The following GRIA4 variants were observed in gnomAD, a reference collection of about 807,000 sequenced individuals.
GRIA4 encodes glutamate receptor 4.
GRIA4 carries 34 observed loss-of-function variants against 104.0 expected under a neutral mutation model. The observed-to-expected ratio is 0.33, with a 90% CI of 0.25 to 0.44. The LOEUF (loss-of-function observed/expected upper bound fraction) is 0.44. Among genes scored for constraint, GRIA4 ranks in the 20% least tolerant of loss-of-function variants. GRIA4 has a pLI of 1.00. For synonymous variants in GRIA4, 386 were observed against 381.9 expected, an observed-to-expected ratio of 1.01 and a Z score of -0.13; for missense variants, 750 against 1,096.5, an observed-to-expected ratio of 0.68 and a Z score of 4.46.
chr11:105,896,705 A>G (rs1009636884), intron 6 of GRIA4, among the ~76,000 whole-genome samples: 17 of 152,120 alleles, frequency 1.1e-4, no homozygotes, highest in African/African-American at 4.1e-4. Context: ...ACATTGTCAA[A>G]GATCAGTTGG....
chr11:105,699,643 C>G (rs953524787), intron 3 of GRIA4, among the ~76,000 whole-genome samples: 3 of 152,026 alleles, frequency 2.0e-5, no homozygotes, highest in Non-Finnish European at 4.4e-5. Context: ...GTTTCTATTG[C>G]TACACCTTGC....
chr11:105,872,840 TA>T (rs1945667052), intron 5 of GRIA4, among the ~76,000 whole-genome samples: 1 of 152,158 alleles, frequency 6.6e-6, no homozygotes. Flanking sequence ...GTGAATAGTT[TA>T]ATTTTTTGTA....
chr11:105,716,111 GTTTAA>G (rs1415854996), intron 3 of GRIA4, among the ~76,000 whole-genome samples: 6 of 32,830 alleles, frequency 1.8e-4, no homozygotes, highest in East Asian at 5.8e-4. Context: ...TTCCCTAAAA[GTTTAA>G]AAGTTTCTTA....
chr11:105,873,253 C>T (rs1296040639), intron 5 of GRIA4, among the ~76,000 whole-genome samples: 1 of 152,182 alleles, frequency 6.6e-6, no homozygotes, highest in African/African-American at 2.4e-5. Flanking sequence ...AGGACATGAA[C>T]TCATCCTTTT....
intron 3 of GRIA4, among the ~76,000 whole-genome samples, chr11:105,722,630 C>T (rs1937902656): frequency 6.6e-6 from 1 of 152,076 alleles, no homozygotes; most frequent in Non-Finnish European, 1.5e-5. Flanking sequence ...TTTACTGATA[C>T]TACTATTTCT....
chr11:105,653,659 C>A (rs1448766967), intron 3 of GRIA4, among the ~76,000 whole-genome samples: 1 of 152,030 alleles, frequency 6.6e-6, no homozygotes, highest in Non-Finnish European at 1.5e-5. Flanking sequence ...TGAACGTGAG[C>A]GAGTGTTTTT....
At chr11:105,898,045 A>G (rs1946718236) in intron 6 of GRIA4, among the ~76,000 whole-genome samples, 1 of 152,182 alleles carries the variant, frequency 6.6e-6, no homozygotes, top group Non-Finnish European at 1.5e-5. Context: ...GAACTGAAAT[A>G]AAAACATATC....
intron 3 of GRIA4, among the ~76,000 whole-genome samples, chr11:105,658,012 T>G (rs564766990): frequency 6.6e-6 from 1 of 151,918 alleles, no homozygotes; most frequent in Admixed American, 6.6e-5. Flanking sequence ...AGTATTTTTA[T>G]CAGGAAAAAT....
intron 3 of GRIA4, among the ~76,000 whole-genome samples, chr11:105,643,994 C>T (rs937112725): frequency 2.0e-5 from 3 of 152,198 alleles, no homozygotes; most frequent in Non-Finnish European, 4.4e-5. Context: ...GCTGGGATTA[C>T]AGGCATGAGC....
At chr11:105,717,023 G>T (rs916436044) in intron 3 of GRIA4, among the ~76,000 whole-genome samples, 1 of 152,018 alleles carries the variant, frequency 6.6e-6, no homozygotes, top group Non-Finnish European at 1.5e-5. Flanking sequence ...TTACATGGAG[G>T]TTTATCTTAG....
intron 6 of GRIA4, among the ~76,000 whole-genome samples, chr11:105,891,176 G>T (rs1946440967): frequency 6.6e-6 from 1 of 152,084 alleles, no homozygotes; most frequent in African/African-American, 2.4e-5. Flanking sequence ...CAAGTATGAT[G>T]ATATCGTTTG....
intron 6 of GRIA4, among the ~76,000 whole-genome samples, chr11:105,896,250 C>T (rs1403740884): frequency 6.6e-6 from 1 of 151,886 alleles, no homozygotes; most frequent in East Asian, 1.9e-4. Flanking sequence ...CTGTTCATGT[C>T]CTTTGCTCTT....
intron 3 of GRIA4, among the ~76,000 whole-genome samples, chr11:105,702,504 A>G (rs903210933): frequency 5.3e-5 from 8 of 151,856 alleles, no homozygotes; most frequent in African/African-American, 1.9e-4. Context: ...TCTACAACCA[A>G]TGGTACCTAG....
intron 4 of GRIA4, chr11:105,824,806 C>T (rs1337917720): frequency 6.6e-6 from 1 of 152,102 alleles, no homozygotes; most frequent in African/African-American, 2.4e-5. Flanking sequence ...CTGTGGGGTA[C>T]ATAATCTACA....
chr11:105,653,889 T>A (rs1421915525), intron 3 of GRIA4, among the ~76,000 whole-genome samples: 1 of 151,414 alleles, frequency 6.6e-6, no homozygotes, highest in East Asian at 1.9e-4. Flanking sequence ...AGGCTTTGTT[T>A]TTGCTCTAGA....
chr11:105,860,877 T>G (rs2083706538), intron 4 of GRIA4, among the ~76,000 whole-genome samples: 1 of 149,726 alleles, frequency 6.7e-6, no homozygotes, highest in Non-Finnish European at 1.5e-5. Flanking sequence ...AAGAATTGCT[T>G]GAACCCAGGA....
At chr11:105,646,703 A>G (rs1328515356) in intron 3 of GRIA4, among the ~76,000 whole-genome samples, 2 of 152,244 alleles carry the variant, frequency 1.3e-5, no homozygotes, top group African/African-American at 4.8e-5. Context: ...AGAATTCTCC[A>G]TTCAATAAAT....
intron 4 of GRIA4, among the ~76,000 whole-genome samples, chr11:105,761,221 C>T (rs564230664): frequency 6.6e-6 from 1 of 152,110 alleles, no homozygotes; most frequent in African/African-American, 2.4e-5. Flanking sequence ...GTAATGAACG[C>T]CTCTCTCATT....
chr11:105,849,382 C>T (rs1444074472), intron 4 of GRIA4, among the ~76,000 whole-genome samples: 1 of 152,106 alleles, frequency 6.6e-6, no homozygotes, highest in Non-Finnish European at 1.5e-5. Context: ...TCTGGATGGA[C>T]AGTATCCAGC....
Sources: allele counts gnomAD v4.1 joint callset (sites outside exome capture counted in the v4.1 genomes callset), GRCh38; gene constraint gnomAD v4.1.1; transcripts MANE v1.5; gene names NCBI Gene and HGNC (gene_info 2026-07-23, HGNC 2026-07-21).